The following SLC24A3 variants were observed in gnomAD, a reference collection of about 807,000 sequenced individuals.
SLC24A3 encodes solute carrier family 24 member 3, also known as sodium/potassium/calcium exchanger 3.
SLC24A3 carries 28 observed loss-of-function variants against 75.8 expected under a neutral mutation model. The observed-to-expected ratio is 0.37, with a 90% CI of 0.27 to 0.51. The LOEUF (loss-of-function observed/expected upper bound fraction) is 0.51, where lower values mean the gene tolerates loss of function less well. SLC24A3 is among the 20% of genes least tolerant of loss of function. The probability of loss-of-function intolerance (pLI) is 0.94; values close to 1 mark genes in which losing one functional copy is unlikely to be tolerated. For missense variants in SLC24A3, 663 were observed against 847.8 expected, an observed-to-expected ratio of 0.78 and a Z score of 2.71; for synonymous variants, 372 against 334.1, an observed-to-expected ratio of 1.11 and a Z score of -1.24.
intron 6 of SLC24A3, among the ~76,000 whole-genome samples, chr20:19,586,253 G>A (rs533385889): frequency 3.1e-4 from 47 of 152,306 alleles, no homozygotes; most frequent in Non-Finnish European, 5.4e-4. Context: ...TGCAGGGTTT[G>A]CAACTGTTTT....
chr20:19,386,311 GT>G (rs1011983620), intron 2 of SLC24A3, among the ~76,000 whole-genome samples: 1 of 152,110 alleles, frequency 6.6e-6, no homozygotes, highest in African/African-American at 2.4e-5. Flanking sequence ...TTCTAACAGG[GT>G]TTTTTGGTGT....
At chr20:19,233,605 T>C (rs1337969870) in intron 1 of SLC24A3, among the ~76,000 whole-genome samples, 4 of 152,240 alleles carry the variant, frequency 2.6e-5, no homozygotes, top group African/African-American at 9.6e-5. Context: ...TGAAGGTTTA[T>C]TTTAGAAGAC....
intron 9 of SLC24A3, among the ~76,000 whole-genome samples, chr20:19,679,103 C>T (rs891297013): frequency 3.3e-5 from 5 of 152,060 alleles, no homozygotes; most frequent in Admixed American, 6.5e-5. Context: ...GACAGGGTGG[C>T]GGCCGGGCAG....
intron 3 of SLC24A3, among the ~76,000 whole-genome samples, chr20:19,524,182 C>T (rs545873561): frequency 6.6e-6 from 1 of 152,306 alleles, no homozygotes; most frequent in Non-Finnish European, 1.5e-5. Flanking sequence ...TGACTCACTT[C>T]CCTGCTCCTC....
At chr20:19,332,510 A>G (rs1985023452) in intron 2 of SLC24A3, among the ~76,000 whole-genome samples, 1 of 152,158 alleles carries the variant, frequency 6.6e-6, no homozygotes, top group African/African-American at 2.4e-5. Flanking sequence ...AAAATTTACC[A>G]GGTTTCTTTT....
intron 2 of SLC24A3, among the ~76,000 whole-genome samples, chr20:19,330,724 G>C (rs549358861): frequency 6.6e-6 from 1 of 152,314 alleles, no homozygotes; most frequent in East Asian, 1.9e-4. Flanking sequence ...GTCATCAGTA[G>C]ATGCAAAATC....
At chr20:19,275,412 C>T (rs959781118) in intron 1 of SLC24A3, among the ~76,000 whole-genome samples, 3 of 152,194 alleles carry the variant, frequency 2.0e-5, no homozygotes, top group South Asian at 2.1e-4. Context: ...GCTGCCACCG[C>T]GGTGTCTGAA....
intron 8 of SLC24A3, among the ~76,000 whole-genome samples, chr20:19,667,372 G>C (rs1295816259): frequency 1.3e-5 from 2 of 152,202 alleles, no homozygotes; most frequent in Non-Finnish European, 2.9e-5. Flanking sequence ...TCATCCTGGA[G>C]GTGGCTGCCA....
intron 6 of SLC24A3, among the ~76,000 whole-genome samples, chr20:19,651,758 G>A (rs947994878): frequency 1.1e-4 from 17 of 151,602 alleles, no homozygotes; most frequent in South Asian, 2.1e-4. Context: ...CTACTTGGGA[G>A]GCTGAGGCAG....
At chr20:19,659,996 G>A (rs2032308278) in intron 7 of SLC24A3, among the ~76,000 whole-genome samples, 1 of 152,104 alleles carries the variant, frequency 6.6e-6, no homozygotes, top group Non-Finnish European at 1.5e-5. Context: ...AATCTCAGAG[G>A]TCATGTGGAA....
At chr20:19,525,299 C>G (rs2122568894) in intron 3 of SLC24A3, among the ~76,000 whole-genome samples, 1 of 152,270 alleles carries the variant, frequency 6.6e-6, no homozygotes, top group South Asian at 2.1e-4. Flanking sequence ...ACCAGAAGAG[C>G]TACAGGAGCC....
At chr20:19,414,511 A>G (rs181369043) in intron 2 of SLC24A3, among the ~76,000 whole-genome samples, 78 of 152,286 alleles carry the variant, frequency 5.1e-4, no homozygotes, top group African/African-American at 1.7e-3. Flanking sequence ...GCATGAAAAA[A>G]CTTTTAAGAT....
At chr20:19,570,676 A>G (rs1568659163) in intron 3 of SLC24A3, among the ~76,000 whole-genome samples, 3 of 152,204 alleles carry the variant, frequency 2.0e-5, no homozygotes, top group Admixed American at 6.5e-5. Flanking sequence ...GTAATGATGA[A>G]CACAAATGAT....
intron 3 of SLC24A3, among the ~76,000 whole-genome samples, chr20:19,544,736 T>A (rs539419150): frequency 6.6e-6 from 1 of 152,330 alleles, no homozygotes; most frequent in African/African-American, 2.4e-5. Context: ...GTGATTCCTC[T>A]TTCTCTCTCC....
intron 2 of SLC24A3, among the ~76,000 whole-genome samples, chr20:19,398,447 T>G (rs1024325450): frequency 6.6e-6 from 1 of 152,214 alleles, no homozygotes; most frequent in Non-Finnish European, 1.5e-5. Context: ...TTTTTAAATT[T>G]TTGATATTTT....
Position 19,239,131 on chromosome 20 carries a change from A to AC in SLC24A3, c.142+26147_142+26148insC, listed in dbSNP as rs33962933. Among the ~76,000 whole-genome samples the AC allele has an allele frequency of 2.5e-3, 382 of 151,708 alleles. 9 individuals are homozygous for AC. Among genetic ancestry groups the AC allele is most frequent in the Admixed American group, 0.023 (349 of 15,216 alleles). ...AGAAAAGCTTATTTTAAAAAAAAAA[A>AC]AAAAAAACAACACAGAGTAAGAATG... On this transcript the variant is annotated intron_variant, in intron 1 of 16. Transcript: ENST00000328041.
chr20:19,292,380 A>T (rs1983961955), intron 2 of SLC24A3, among the ~76,000 whole-genome samples: 1 of 152,190 alleles, frequency 6.6e-6, no homozygotes, highest in Non-Finnish European at 1.5e-5. Flanking sequence ...TATGGGAGGC[A>T]GGTAAAATGA....
intron 2 of SLC24A3, among the ~76,000 whole-genome samples, chr20:19,483,765 G>T (rs145029013): frequency 6.6e-6 from 1 of 152,106 alleles, no homozygotes; most frequent in Non-Finnish European, 1.5e-5. Context: ...GGTTGGGTCC[G>T]TGCTGCTGGT....
At chr20:19,633,083 T>C (rs1333567917) in intron 6 of SLC24A3, among the ~76,000 whole-genome samples, 1 of 152,246 alleles carries the variant, frequency 6.6e-6, no homozygotes, top group Non-Finnish European at 1.5e-5. Flanking sequence ...ACCATGATCT[T>C]TGGCTTTCCA....
Sources: gnomAD v4.1 joint callset for allele counts (sites outside exome capture counted in the v4.1 genomes callset) on GRCh38, gnomAD v4.1.1 for gene constraint, MANE v1.5 for transcripts, NCBI Gene and HGNC (gene_info 2026-07-23, HGNC 2026-07-21) for gene names.